MDN1: variants seen among roughly 807,000 people sequenced by gnomAD.
The protein encoded by MDN1 is midasin.
Under a neutral mutation model 669.2 loss-of-function variants are expected in MDN1, and 266 were observed. That is an observed-to-expected ratio of 0.40 (90% CI 0.36 to 0.44). The LOEUF (loss-of-function observed/expected upper bound fraction) is 0.44. Ranked by LOEUF, MDN1 falls within the 20% of genes least tolerant of loss-of-function variation. The pLI, the probability that MDN1 is intolerant of heterozygous loss-of-function variation, is 1.00. For missense variants in MDN1, 5,940 were observed against 6,754.0 expected (o/e 0.88, Z 4.22); for synonymous variants, 2,385 against 2,457.1 (o/e 0.97, Z 0.87).
rs142005260 is a variant in MDN1 at position 89,650,098 on chromosome 6, G to A, written c.16132C>T (p.Pro5378Ser). 6.2e-7 allele frequency: 1 copy of A among 1,614,104 alleles called. No homozygotes were observed. Among genetic ancestry groups the A allele is most frequent in the Non-Finnish European group, 8.5e-7 (1 of 1,180,026 alleles). ...KDKIWLRRTK[P>S]SKRQYQICLA... The stretch of plus-strand genomic sequence containing the variant: ...CAAATCTGATACTGGCGTTTACTGG[G>A]CTTGGTCCTTCGAAGCCAAATCTTG... Residue 5378 changes from proline (P) to serine (S), a missense_variant, in exon 97 of 102, where the codon CCC becomes TCC. By Grantham distance (74) the Pro-to-Ser change is moderately conservative (BLOSUM62 -1). Transcript: ENST00000369393.
chr6:89,773,757 G>A (rs1818223090), intron 13 of MDN1, among the ~76,000 whole-genome samples: 1 of 151,644 alleles, frequency 6.6e-6, no homozygotes, highest in Non-Finnish European at 1.5e-5. Context: ...CTGAGGTCAG[G>A]AGTTCAAGAC....
intron 1 of MDN1, among the ~76,000 whole-genome samples, chr6:89,812,066 A>G (rs1584409084): frequency 6.6e-6 from 1 of 150,878 alleles, no homozygotes; most frequent in African/African-American, 2.4e-5. Flanking sequence ...GGTTCATGCA[A>G]CCTCCGCCTT....
chr6:89,758,988 CA>C, intron 17 of MDN1, 28 bp from the exon 18 acceptor site: 1 of 1,605,290 alleles, frequency 6.2e-7, no homozygotes, highest in Non-Finnish European at 8.5e-7. Context: ...AAAATGTTAA[CA>C]ATGTGTCAAA....
intron 15 of MDN1, among the ~76,000 whole-genome samples, chr6:89,765,612 C>A (rs1817771289): frequency 6.6e-6 from 1 of 152,128 alleles, no homozygotes; most frequent in Non-Finnish European, 1.5e-5. Flanking sequence ...CTGCTCCTGG[C>A]CAAAATTGCT....
Position 89,777,281 on chromosome 6 carries a change from A to C in MDN1, c.1726-586T>G, listed in dbSNP as rs192706526. On this transcript the variant is annotated intron_variant, in intron 11 of 101. Coordinates refer to ENST00000369393, the MANE Select transcript of MDN1 (RefSeq NM_014611.3). ...ATTTACAGAAAATATGAGAGATAAA[A>C]CAATGTAAAGGACACCATGAGTGTG... is the stretch of plus-strand genomic sequence containing the variant. Among the ~76,000 whole-genome samples, 373 of 152,346 alleles carry C rather than the reference A, an allele frequency of 2.4e-3. 3 individuals are homozygous for C. Among genetic ancestry groups the C allele is most frequent in the Non-Finnish European group, 1.6e-3 (106 of 68,028 alleles).
intron 51 of MDN1, 51 bp downstream of exon 51, chr6:89,708,445 T>A (rs753011625): frequency 6.3e-7 from 1 of 1,599,330 alleles, no homozygotes; most frequent in South Asian, 1.1e-5. Flanking sequence ...AAAGGTATAA[T>A]CCGAGAAGCC....
chr6:89,729,735 T>A (rs1815472212), intron 35 of MDN1, among the ~76,000 whole-genome samples: 1 of 128,886 alleles, frequency 7.8e-6, no homozygotes, highest in Non-Finnish European at 1.6e-5. Context: ...TAGGAAAACA[T>A]TTATTACCTC....
At chr6:89,799,252 C>A (rs777097209) in intron 2 of MDN1, among the ~76,000 whole-genome samples, 1 of 152,214 alleles carries the variant, frequency 6.6e-6, no homozygotes, top group Non-Finnish European at 1.5e-5. Flanking sequence ...TGACTGGGCC[C>A]ACCCACTATT....
intron 15 of MDN1, among the ~76,000 whole-genome samples, chr6:89,767,342 G>A (rs1290807940): frequency 6.6e-6 from 1 of 152,174 alleles, no homozygotes; most frequent in Non-Finnish European, 1.5e-5. Context: ...AACCAAGGAG[G>A]TAATGGATAA....
chr6:89,729,682 T>C (rs1267802169), intron 35 of MDN1, among the ~76,000 whole-genome samples: 1 of 147,580 alleles, frequency 6.8e-6, no homozygotes, highest in Admixed American at 6.8e-5. Flanking sequence ...TTTTCGTTTT[T>C]TTTTTTTTTT....
intron 34 of MDN1, among the ~76,000 whole-genome samples, chr6:89,732,246 A>G (rs997428168): frequency 2.0e-5 from 3 of 151,428 alleles, no homozygotes; most frequent in African/African-American, 4.9e-5. Flanking sequence ...CATGTATCCC[A>G]GAACTTAATT....
intron 13 of MDN1, among the ~76,000 whole-genome samples, chr6:89,774,088 C>A (rs138987724): frequency 6.6e-6 from 1 of 152,134 alleles, no homozygotes; most frequent in Non-Finnish European, 1.5e-5. Context: ...TTTTACACTT[C>A]CAGCCTCCAG....
chr6:89,699,449 A>T, intron 58 of MDN1, 152 bp downstream of exon 58: 1 of 726,568 alleles, frequency 1.4e-6, no homozygotes, highest in Non-Finnish European at 2.1e-6. Flanking sequence ...AAGAATATTT[A>T]AAATTCTTCC....
At chr6:89,799,660 A>G (rs1767500599) in intron 2 of MDN1, among the ~76,000 whole-genome samples, 1 of 152,206 alleles carries the variant, frequency 6.6e-6, no homozygotes, top group Admixed American at 6.5e-5. Context: ...TCCAGCCTGG[A>G]TAACAAGAAC....
intron 15 of MDN1, among the ~76,000 whole-genome samples, chr6:89,764,026 GT>G (rs1456209297): frequency 6.6e-6 from 1 of 152,108 alleles, no homozygotes; most frequent in Non-Finnish European, 1.5e-5. Flanking sequence ...ACCAGATTGG[GT>G]AACAAAGCCA....
rs1818775449 is a variant in MDN1 at position 89,783,277 on chromosome 6, C to CA, written c.1450-1686_1450-1685insT. On this transcript the variant is annotated intron_variant, in intron 9 of 101. Coordinates refer to ENST00000369393, the MANE Select transcript of MDN1 (RefSeq NM_014611.3). The stretch of plus-strand genomic sequence containing the variant: ...ATACCCCGGGAAAGGAATGCATTCC[C>CA]GGGGGGGAGGTCTATAAATGGCCGC... 2.0e-5 allele frequency among the ~76,000 whole-genome samples: 3 copies of CA among 151,894 alleles called. No individual in the cohort carries two copies. The South Asian group carries it at 6.2e-4, about 32-fold the overall frequency.
intron 1 of MDN1, chr6:89,814,916 G>A (rs1279862499): frequency 2.1e-6 from 1 of 484,712 alleles, no homozygotes; most frequent in South Asian, 1.7e-5. Context: ...GGCAGTAAGA[G>A]ACTCCAGGCT....
At chr6:89,726,168 T>C (rs1408335795) in intron 37 of MDN1, among the ~76,000 whole-genome samples, 2 of 152,098 alleles carry the variant, frequency 1.3e-5, no homozygotes, top group Non-Finnish European at 2.9e-5. Context: ...TTAAGATGTG[T>C]AACACAAATT....
chr6:89,652,261 A>G lies in MDN1; in HGVS notation c.15846T>C (p.Asn5282=), dbSNP rs757384214. Residue 5282 remains asparagine, a synonymous_variant, in exon 95 of 102, where the codon AAT becomes AAC. Transcript: ENST00000369393. ...GTCTCTCCAGCTCCTGTCTTAGCTC[A>G]TTGACATCTTTTAAAAAGGGCTAAA... ...TIFQPFLKDV[N]ELRQELERQL... is the part of the protein sequence containing the mutation. The G allele has an allele frequency of 1.9e-6, 3 of 1,613,368 alleles. No homozygotes were observed. Among genetic ancestry groups the G allele is most frequent in the Non-Finnish European group, 2.5e-6 (3 of 1,179,846 alleles).
Sources: allele counts gnomAD v4.1 joint callset (sites outside exome capture counted in the v4.1 genomes callset), GRCh38; gene constraint gnomAD v4.1.1; transcripts MANE v1.5; gene names NCBI Gene and HGNC (gene_info 2026-07-23, HGNC 2026-07-21).